The following ARL15 variants were observed in gnomAD, a reference collection of about 807,000 sequenced individuals.
The protein encoded by ARL15 is ARF like GTPase 15, also known as ADP-ribosylation factor-like protein 15.
In ARL15, 19 loss-of-function variants were observed where a neutral mutation model predicts 25.2. The ratio of observed to expected loss-of-function variants is 0.75; its 90% CI spans 0.53 to 1.10. The LOEUF (loss-of-function observed/expected upper bound fraction) is 1.10, where lower values mean the gene tolerates loss of function less well. Among genes scored for constraint, ARL15 ranks in the 50% least tolerant of loss-of-function variants. The pLI, the probability that ARL15 is intolerant of heterozygous loss-of-function variation, is 0.00. For missense variants in ARL15, 220 were observed against 246.0 expected, an observed-to-expected ratio of 0.89 and a Z score of 0.71; for synonymous variants, 94 against 86.8, an observed-to-expected ratio of 1.08 and a Z score of -0.46.
At chr5:54,085,302 T>A (rs1430067421) in intron 4 of ARL15, among the ~76,000 whole-genome samples, 2 of 152,274 alleles carry the variant, frequency 1.3e-5, no homozygotes, top group African/African-American at 4.8e-5. Flanking sequence ...CTATTTATTT[T>A]ATTTATTAGT....
chr5:54,125,607 T>C (rs887689064), intron 3 of ARL15, among the ~76,000 whole-genome samples: 5 of 152,258 alleles, frequency 3.3e-5, no homozygotes, highest in Non-Finnish European at 7.3e-5. Flanking sequence ...CTTTTGGTTA[T>C]TGCGAATAGA....
chr5:54,120,683 C>T (rs902621537), intron 3 of ARL15, among the ~76,000 whole-genome samples: 2 of 152,118 alleles, frequency 1.3e-5, no homozygotes, highest in Non-Finnish European at 2.9e-5. Context: ...ATTCTTGAGC[C>T]ATTGGCATGA....
intron 4 of ARL15, among the ~76,000 whole-genome samples, chr5:54,036,176 T>A (rs528624609): frequency 1.3e-5 from 2 of 151,926 alleles, no homozygotes; most frequent in African/African-American, 2.4e-5. Flanking sequence ...AAAAGGGATT[T>A]TGATCAGATA....
chr5:54,082,802 A>C (rs1751844896), intron 4 of ARL15, among the ~76,000 whole-genome samples: 1 of 152,052 alleles, frequency 6.6e-6, no homozygotes, highest in South Asian at 2.1e-4. Context: ...TAGATGCAAA[A>C]TCACCTTTTG....
chr5:54,223,770 C>T (rs1756441683), intron 1 of ARL15, among the ~76,000 whole-genome samples: 1 of 152,040 alleles, frequency 6.6e-6, no homozygotes, highest in Admixed American at 6.6e-5. Context: ...TTACAATCTA[C>T]CTCCACGGTC....
Position 53,981,601 on chromosome 5 carries a change from T to C in ARL15, c.463-94888A>G, listed in dbSNP as rs1277928730. On this transcript the variant is annotated intron_variant, in intron 4 of 4. Coordinates refer to ENST00000504924, the MANE Select transcript of ARL15 (RefSeq NM_019087.3). The stretch of plus-strand genomic sequence containing the variant: ...TAATTTGTGGTATCTGCAAGAACTC[T>C]TGAAAGAAATCATGCGGGGCGCAGT... Among the ~76,000 whole-genome samples the C allele has an allele frequency of 2.6e-5, 4 of 152,288 alleles. No individual in the cohort carries two copies. In the East Asian group the frequency reaches 7.7e-4, roughly 29 times the overall value.
intron 4 of ARL15, among the ~76,000 whole-genome samples, chr5:53,946,185 C>T (rs1045254511): frequency 3.3e-5 from 5 of 152,122 alleles, no homozygotes; most frequent in African/African-American, 9.7e-5. Flanking sequence ...TGCGCACCAT[C>T]GCTCACACCT....
At chr5:53,922,543 T>A (rs542239124) in intron 4 of ARL15, among the ~76,000 whole-genome samples, 1 of 152,298 alleles carries the variant, frequency 6.6e-6, no homozygotes, top group African/African-American at 2.4e-5. Context: ...CCAACCAGAA[T>A]GAACGTTGGT....
intron 4 of ARL15, among the ~76,000 whole-genome samples, chr5:54,066,068 C>G (rs1333239491): frequency 6.6e-6 from 1 of 152,110 alleles, no homozygotes; most frequent in South Asian, 2.1e-4. Flanking sequence ...ATCACAATAC[C>G]TCTGTATTTT....
At chr5:54,048,258 G>A (rs1445397160) in intron 4 of ARL15, 1 of 152,020 alleles carries the variant, frequency 6.6e-6, no homozygotes, top group Non-Finnish European at 1.5e-5. Flanking sequence ...GAATCCTCCT[G>A]CTTCAGCCTC....
chr5:54,138,536 C>A (rs985272233), intron 3 of ARL15, among the ~76,000 whole-genome samples: 2 of 152,208 alleles, frequency 1.3e-5, no homozygotes, highest in African/African-American at 4.8e-5. Flanking sequence ...TGGATCCAGA[C>A]ATAAATCTAA....
rs1561152818 is a variant in ARL15, at chr5:53,926,952, A to ATTTT, written c.463-40240_463-40239insAAAA. On this transcript the variant is annotated intron_variant, in intron 4 of 4. Transcript: ENST00000504924. The stretch of plus-strand genomic sequence containing the variant: ...CAGTCACCAAGACCTTTTTTTTTAA[A>ATTTT]AAAAAAAAATAAAGTCCAAAAGCCT... Among the ~76,000 whole-genome samples the ATTTT allele has an allele frequency of 7.7e-3, 1,070 of 138,546 alleles. 16 individuals carry two copies. The highest frequency in any genetic ancestry group is 0.029 in the Middle Eastern group (8 of 278). 90.9% of individuals were successfully genotyped at this position (138,546 alleles called of 152,430 possible).
intron 1 of ARL15, chr5:54,282,283 A>T: frequency 1.0e-6 from 1 of 985,470 alleles, no homozygotes. Flanking sequence ...TGTAAATCCC[A>T]ATTCTACAAA....
intron 1 of ARL15, among the ~76,000 whole-genome samples, chr5:54,202,335 G>C (rs1755748455): frequency 6.6e-6 from 1 of 152,146 alleles, no homozygotes; most frequent in African/African-American, 2.4e-5. Flanking sequence ...ATATTATTCT[G>C]AATTAATCCA....
At chr5:54,272,542 C>T (rs1757816837) in intron 1 of ARL15, among the ~76,000 whole-genome samples, 1 of 151,624 alleles carries the variant, frequency 6.6e-6, no homozygotes, top group Non-Finnish European at 1.5e-5. Flanking sequence ...ACTTAAGTTG[C>T]AAAATTCAAA....
At chr5:54,157,680 G>A (rs1318741699) in intron 2 of ARL15, among the ~76,000 whole-genome samples, 1 of 152,058 alleles carries the variant, frequency 6.6e-6, no homozygotes. Flanking sequence ...CAAAGTGCTG[G>A]GATTACAGGC....
intron 4 of ARL15, among the ~76,000 whole-genome samples, chr5:53,892,001 GT>G (rs1008907900): frequency 1.2e-4 from 19 of 152,152 alleles, no homozygotes; most frequent in African/African-American, 4.1e-4. Flanking sequence ...AGAGTACAGG[GT>G]TTTCCCCCAT....
Position 53,886,603 on chromosome 5 carries a change from A to G in ARL15, c.573T>C (p.Ile191=). The change falls in exon 5 of 5, where the codon ATT becomes ATC. Residue 191 remains isoleucine, a synonymous_variant. Transcript: ENST00000504924. The part of the protein sequence containing the change: ...DALKDSFSQL[I]NLLEEKDHEA... ...CATGGTCTTTTTCTTCTAACAAATT[A>G]ATCAGCTGAGAGAAGCTGTCTTTCA... The G allele has an allele frequency of 6.4e-7, 1 of 1,562,744 alleles. No homozygotes were observed. Among genetic ancestry groups the G allele is most frequent in the Non-Finnish European group, 8.7e-7 (1 of 1,151,950 alleles).
At chr5:54,010,046 G>C (rs1036923936) in intron 4 of ARL15, among the ~76,000 whole-genome samples, 3 of 152,108 alleles carry the variant, frequency 2.0e-5, no homozygotes, top group Non-Finnish European at 4.4e-5. Flanking sequence ...CACAAAGAAA[G>C]GGAGAATGAT....
Sources: allele counts gnomAD v4.1 joint callset (sites outside exome capture counted in the v4.1 genomes callset), GRCh38; gene constraint gnomAD v4.1.1; transcripts MANE v1.5; gene names NCBI Gene and HGNC (gene_info 2026-07-23, HGNC 2026-07-21).